CAST: variants seen among roughly 807,000 people sequenced by gnomAD.
CAST encodes calpastatin.
CAST carries 76 observed loss-of-function variants against 119.6 expected under a neutral mutation model. That is an observed-to-expected ratio of 0.64 (90% CI 0.53 to 0.77). The LOEUF (loss-of-function observed/expected upper bound fraction) is 0.77, where lower values mean the gene tolerates loss of function less well. Ranked by LOEUF, CAST falls within the 30% of genes least tolerant of loss-of-function variation. The pLI, the probability that CAST is intolerant of heterozygous loss-of-function variation, is 0.00. For missense variants in CAST, 953 were observed against 946.5 expected, an observed-to-expected ratio of 1.01 and a Z score of -0.09; for synonymous variants, 319 against 331.6, an observed-to-expected ratio of 0.96 and a Z score of 0.41.
Position 96,695,876 on chromosome 5 carries a change from C to T in CAST, c.179C>T (p.Thr60Ile). 1 of 1,613,208 alleles carries T rather than the reference C, an allele frequency of 6.2e-7. No homozygotes were observed. Among genetic ancestry groups the T allele is most frequent in the Non-Finnish European group, 8.5e-7 (1 of 1,179,418 alleles). The stretch of plus-strand genomic sequence containing the variant: ...CTCGGCAGCAGTCAATCCTCCAGAA[C>T]CTATGCTGGTGGAACAGCCTCGGCC... The part of the protein sequence containing the change: ...ASLGSSQSSR[T>I]YAGGTASATK... Residue 60 changes from threonine (T) to isoleucine (I), a missense_variant, in exon 3 of 32, where the codon ACC becomes ATC. Coordinates refer to ENST00000675179, the MANE Select transcript of CAST (RefSeq NM_001750.7).
chr5:96,668,337 T>C (rs558283617), intron 1 of CAST, among the ~76,000 whole-genome samples: 66 of 152,344 alleles, frequency 4.3e-4, no homozygotes, highest in Middle Eastern at 3.4e-3. Context: ...AGTCATGAGA[T>C]AGACAAAGTA....
chr5:96,065,060 T>G, the CAST span, among the ~76,000 whole-genome samples: 1 of 152,140 alleles, frequency 6.6e-6, no homozygotes, highest in African/African-American at 2.4e-5. Context: ...GTACTTGTTA[T>G]TCCTGTTACC....
the CAST span, among the ~76,000 whole-genome samples, chr5:96,242,493 G>T: frequency 2.0e-5 from 3 of 152,124 alleles, no homozygotes; most frequent in African/African-American, 7.2e-5. Flanking sequence ...AAGTGTGTTT[G>T]CTCTCTGCTG....
At chr5:96,461,695 A>G in the CAST span, among the ~76,000 whole-genome samples, 8 of 152,144 alleles carry the variant, frequency 5.3e-5, no homozygotes, top group Non-Finnish European at 1.0e-4. Flanking sequence ...TTACTAAATT[A>G]ATAATATATT....
chr5:96,603,631 C>CT (rs773529783), intron 1 of CAST, among the ~76,000 whole-genome samples: 3 of 151,862 alleles, frequency 2.0e-5, no homozygotes, highest in East Asian at 1.9e-4. Flanking sequence ...TTACAGTTAA[C>CT]TTTTTTTAAT....
the CAST span, among the ~76,000 whole-genome samples, chr5:96,284,628 T>C: frequency 3.0e-4 from 45 of 152,236 alleles, no homozygotes; most frequent in African/African-American, 9.6e-4. Flanking sequence ...TAGAAAATAC[T>C]AGCATTGTGT....
At chr5:96,730,681 G>A in intron 8 of CAST, 99 bp from the exon 9 acceptor site, 2 of 849,304 alleles carry the variant, frequency 2.4e-6, no homozygotes, top group Non-Finnish European at 4.0e-6. Context: ...GTCCGTGAGG[G>A]TGAACTGGCA....
chr5:96,519,066 CA>C, the CAST span, among the ~76,000 whole-genome samples: 3 of 151,134 alleles, frequency 2.0e-5, no homozygotes, highest in Non-Finnish European at 4.4e-5. Context: ...CTCACACCCA[CA>C]AAAAAAAGAA....
the CAST span, among the ~76,000 whole-genome samples, chr5:96,348,036 T>C: frequency 6.6e-6 from 1 of 152,144 alleles, no homozygotes; most frequent in Non-Finnish European, 1.5e-5. Context: ...CCAGACAATG[T>C]TTTAAGTAAA....
intron 1 of CAST, among the ~76,000 whole-genome samples, chr5:96,583,360 C>G (rs916929988): frequency 6.6e-6 from 1 of 152,072 alleles, no homozygotes; most frequent in Non-Finnish European, 1.5e-5. Context: ...TCAAAACACT[C>G]AGTTCTTTCT....
At chr5:96,423,212 C>T in the CAST span, 1 of 1,149,588 alleles carries the variant, frequency 8.7e-7, no homozygotes, top group Admixed American at 2.0e-5. Context: ...ATCCCAGGGA[C>T]TGACACCAGA....
the CAST span, among the ~76,000 whole-genome samples, chr5:96,161,848 C>A: frequency 6.6e-6 from 1 of 151,984 alleles, no homozygotes. Flanking sequence ...GAAACTTATT[C>A]CTAGGTATTT....
Position 96,698,909 on chromosome 5 carries a change from G to A in CAST, c.210+3002G>A, listed in dbSNP as rs187191337. Among the ~76,000 whole-genome samples, 310 of 152,278 alleles carry A rather than the reference G, an allele frequency of 2.0e-3. 3 individuals carry two copies. Among genetic ancestry groups the A allele is most frequent in the Middle Eastern group, 0.014 (4 of 294 alleles). The stretch of plus-strand genomic sequence containing the variant: ...ATTAAGTACTTAATTTGAAGCATAT[G>A]TGTAAGCTATGTATTAGAGAATGGT... On this transcript the variant is annotated intron_variant, in intron 3 of 31. Transcript: ENST00000675179.
intron 2 of CAST, among the ~76,000 whole-genome samples, chr5:96,689,179 G>A (rs1043576033): frequency 5.3e-5 from 8 of 152,242 alleles, no homozygotes; most frequent in African/African-American, 1.7e-4. Context: ...ACACATGTAC[G>A]AATACAAAAA....
intron 3 of CAST, among the ~76,000 whole-genome samples, chr5:96,702,147 C>A (rs1234349294): frequency 6.6e-6 from 1 of 152,076 alleles, no homozygotes; most frequent in Non-Finnish European, 1.5e-5. Context: ...GGGTTCAGAG[C>A]CTTTAATGTG....
the CAST span, among the ~76,000 whole-genome samples, chr5:96,152,407 G>T: frequency 6.6e-6 from 1 of 152,158 alleles, no homozygotes; most frequent in Non-Finnish European, 1.5e-5. Context: ...TGGGTTTCCG[G>T]CTGGCTTTCA....
the CAST span, among the ~76,000 whole-genome samples, chr5:96,387,990 G>A: frequency 6.6e-6 from 1 of 152,110 alleles, no homozygotes; most frequent in Non-Finnish European, 1.5e-5. Context: ...CAAGATTGGG[G>A]GTCCCTGTTC....
chr5:96,160,720 C>G, the CAST span, among the ~76,000 whole-genome samples: 40 of 152,172 alleles, frequency 2.6e-4, no homozygotes, highest in African/African-American at 9.2e-4. Context: ...ATTTTACAAT[C>G]CTAATAGCAG....
chr5:96,188,695 G>A, the CAST span, among the ~76,000 whole-genome samples: 1 of 152,010 alleles, frequency 6.6e-6, no homozygotes, highest in African/African-American at 2.4e-5. Context: ...TTCTGAAAAT[G>A]TTATTAAATT....
Sources: gnomAD v4.1 joint callset for allele counts (sites outside exome capture counted in the v4.1 genomes callset) on GRCh38, gnomAD v4.1.1 for gene constraint, MANE v1.5 for transcripts, NCBI Gene and HGNC (gene_info 2026-07-23, HGNC 2026-07-21) for gene names.